The following AATF variants were observed in gnomAD, a reference collection of about 807,000 sequenced individuals.
AATF encodes protein AATF.
In AATF, 48 loss-of-function variants were observed where a neutral mutation model predicts 63.7. The observed-to-expected ratio is 0.75, with a 90% CI of 0.60 to 0.96. The LOEUF (loss-of-function observed/expected upper bound fraction) is 0.96. Ranked by LOEUF, AATF falls within the 40% of genes least tolerant of loss-of-function variation. The pLI is 0.00. For missense variants in AATF, 639 were observed against 685.7 expected (o/e 0.93, Z 0.76); for synonymous variants, 258 against 247.7 (o/e 1.04, Z -0.39).
intron 11 of AATF, among the ~76,000 whole-genome samples, chr17:37,037,129 C>T (rs901333418): frequency 3.0e-4 from 46 of 152,042 alleles, no homozygotes; most frequent in African/African-American, 9.9e-4. Flanking sequence ...CTGCCTCAGC[C>T]TCCCGAGTAG....
intron 8 of AATF, among the ~76,000 whole-genome samples, chr17:37,007,667 T>A (rs2071352616): frequency 6.6e-6 from 1 of 152,074 alleles, no homozygotes; most frequent in African/African-American, 2.4e-5. Context: ...GGTGAGTGTG[T>A]ATCGAAGAAT....
At chr17:37,018,199 G>A (rs116297247) in intron 8 of AATF, among the ~76,000 whole-genome samples, 2,414 of 152,108 alleles carry the variant, frequency 0.016, 69 homozygotes, top group African/African-American at 0.054. Context: ...GCTTCTCTTC[G>A]CCCAAGGACT....
intron 4 of AATF, among the ~76,000 whole-genome samples, chr17:36,985,829 G>A (rs779338881): frequency 1.8e-4 from 27 of 152,018 alleles, no homozygotes; most frequent in Non-Finnish European, 5.9e-5. Context: ...GATTACAGGC[G>A]TGAGCCACAG....
intron 4 of AATF, among the ~76,000 whole-genome samples, chr17:36,961,938 G>C (rs911953740): frequency 2.0e-5 from 3 of 152,148 alleles, no homozygotes; most frequent in Non-Finnish European, 2.9e-5. Flanking sequence ...GCCTCCCAAA[G>C]TGCTGGGATT....
intron 8 of AATF, among the ~76,000 whole-genome samples, chr17:37,018,236 C>G (rs2071442796): frequency 6.6e-6 from 1 of 152,214 alleles, no homozygotes; most frequent in Non-Finnish European, 1.5e-5. Context: ...ATTCTTAAGT[C>G]TGTATGAAAG....
chr17:37,056,821 C>T lies in AATF; in HGVS notation c.*157C>T. The T allele has an allele frequency of 1.5e-6, 1 of 675,936 alleles. No homozygotes were observed. The highest frequency in any genetic ancestry group is 1.9e-5 in the South Asian group (1 of 51,736). 41.9% of individuals were successfully genotyped at this position (675,936 alleles called of 1,614,324 possible). Reference sequence around the variant, plus strand: ...GCCTAATACACGCAAGGGCGCTGTCCCGCCCAACCCCGCCTTTAAACGCCA... The same window carrying T: ...GCCTAATACACGCAAGGGCGCTGTCTCGCCCAACCCCGCCTTTAAACGCCA... On this transcript the variant is annotated 3_prime_UTR_variant, in exon 12 of 12. Coordinates refer to ENST00000619387, the MANE Select transcript of AATF (RefSeq NM_012138.4).
Position 37,004,231 on chromosome 17 carries a change from C to T in AATF, c.1398+13374C>T, listed in dbSNP as rs578073766. On this transcript the variant is annotated intron_variant, in intron 8 of 11. Transcript: ENST00000619387. Reference sequence around the variant, plus strand: ...CTGTAATCCCAGCTACTTGGGAGGCCGAGGCAGGAGAATTGCTTGAATTCA... The same window carrying T: ...CTGTAATCCCAGCTACTTGGGAGGCTGAGGCAGGAGAATTGCTTGAATTCA... Among the ~76,000 whole-genome samples, 710 of 151,880 alleles carry T rather than the reference C, an allele frequency of 4.7e-3. 5 individuals are homozygous for T. Among genetic ancestry groups the T allele is most frequent in the Non-Finnish European group, 8.4e-3 (571 of 67,934 alleles).
intron 4 of AATF, among the ~76,000 whole-genome samples, chr17:36,955,809 CTGGAG>C (rs1184564384): frequency 6.6e-6 from 1 of 152,154 alleles, no homozygotes; most frequent in Non-Finnish European, 1.5e-5. Context: ...GTTGCCCAGG[CTGGAG>C]TGCAGTAGCG....
intron 4 of AATF, among the ~76,000 whole-genome samples, chr17:36,955,521 G>A (rs2070892579): frequency 6.6e-6 from 1 of 151,962 alleles, no homozygotes; most frequent in Non-Finnish European, 1.5e-5. Flanking sequence ...TGAGATTTTT[G>A]GAGCACTTCT....
At chr17:37,006,332 G>A (rs1368026938) in intron 8 of AATF, among the ~76,000 whole-genome samples, 1 of 151,986 alleles carries the variant, frequency 6.6e-6, no homozygotes, top group Non-Finnish European at 1.5e-5. Context: ...AACTGGGCTT[G>A]GTGGTGCATG....
At chr17:37,008,196 A>G (rs553862521) in intron 8 of AATF, among the ~76,000 whole-genome samples, 24 of 152,292 alleles carry the variant, frequency 1.6e-4, no homozygotes, top group African/African-American at 5.8e-4. Flanking sequence ...TATGAGCATG[A>G]TCTGATGTTC....
At chr17:36,951,208 C>A (rs959040976) in intron 2 of AATF, among the ~76,000 whole-genome samples, 1 of 152,114 alleles carries the variant, frequency 6.6e-6, no homozygotes, top group African/African-American at 2.4e-5. Context: ...TGTTGAGAAT[C>A]CACAGATAAT....
chr17:37,015,818 A>C (rs1191974067), intron 8 of AATF, among the ~76,000 whole-genome samples: 1 of 152,230 alleles, frequency 6.6e-6, no homozygotes, highest in African/African-American at 2.4e-5. Flanking sequence ...GAGAGGTTTC[A>C]GAGATTAACA....
Position 36,953,088 on chromosome 17 carries a change from G to C in AATF, c.486G>C (p.Lys162Asn). Residue 162 changes from lysine to asparagine, a missense_variant, in exon 3 of 12, where the codon AAG becomes AAC. Coordinates refer to ENST00000619387, the MANE Select transcript of AATF (RefSeq NM_012138.4). ...QSISDFEKFTKGMDDLGSSEE... is the reference protein window; with the variant it reads ...QSISDFEKFTNGMDDLGSSEE... ...TCAGTGACTTTGAGAAATTTACCAA[G>C]GGAATGGATGACCTTGGGAGCAGTG... The C allele has an allele frequency of 6.2e-7, 1 of 1,614,140 alleles. No homozygotes were observed. The highest frequency in any genetic ancestry group is 1.1e-5 in the South Asian group (1 of 91,070).
In AATF at chr17:36,974,322, A is replaced by G. The variant is rs115915809; in HGVS notation, c.833-12295A>G. ...TTTCCTTGTCATTAAATATTGTTCT[A>G]TAGCATTATTTTTAATGATAGCATA... On this transcript the variant is annotated intron_variant, in intron 4 of 11. Coordinates refer to ENST00000619387, the MANE Select transcript of AATF (RefSeq NM_012138.4). Among the ~76,000 whole-genome samples, 845 of 152,240 alleles carry G rather than the reference A, an allele frequency of 5.6e-3. 6 individuals carry two copies. The highest frequency in any genetic ancestry group is 0.02 in the African/African-American group (813 of 41,542).
At chr17:37,002,393 C>T (rs1309315053) in intron 8 of AATF, among the ~76,000 whole-genome samples, 1 of 151,828 alleles carries the variant, frequency 6.6e-6, no homozygotes, top group Non-Finnish European at 1.5e-5. Context: ...TCTGGCTGGG[C>T]ATGGTGCCTC....
Position 37,056,710 on chromosome 17 carries a change from T to C in AATF, c.*46T>C. 1.3e-6 allele frequency: 2 copies of C among 1,596,558 alleles called. No individual in the cohort carries two copies. Among genetic ancestry groups the C allele is most frequent in the South Asian group, 2.2e-5 (2 of 90,678 alleles). On this transcript the variant is annotated 3_prime_UTR_variant, in exon 12 of 12. Transcript: ENST00000619387. Reference sequence around the variant, plus strand: ...CAGTGGGCGCCTTGGCTGGTGCGGCTGCTGGTCCAGATGGAGGAAACCAGT... The same window carrying C: ...CAGTGGGCGCCTTGGCTGGTGCGGCCGCTGGTCCAGATGGAGGAAACCAGT...
chr17:37,036,603 T>A (rs1015355251), intron 11 of AATF, among the ~76,000 whole-genome samples: 8 of 151,988 alleles, frequency 5.3e-5, no homozygotes, highest in African/African-American at 1.7e-4. Context: ...ATCTATTTTT[T>A]TAAAAAAAAA....
chr17:37,020,080 TTC>T (rs1340334375), intron 9 of AATF, among the ~76,000 whole-genome samples: 1 of 152,208 alleles, frequency 6.6e-6, no homozygotes, highest in Non-Finnish European at 1.5e-5. Context: ...CTCCTTCTTT[TTC>T]TTTTTTTCAC....
Sources: allele counts gnomAD v4.1 joint callset (sites outside exome capture counted in the v4.1 genomes callset), GRCh38; gene constraint gnomAD v4.1.1; transcripts MANE v1.5; gene names NCBI Gene and HGNC (gene_info 2026-07-23, HGNC 2026-07-21).